The following ANKRD33B variants were observed in gnomAD, a reference collection of about 807,000 sequenced individuals.
ANKRD33B encodes ankyrin repeat domain 33B, also known as ankyrin repeat domain-containing protein 33B.
ANKRD33B carries 6 observed loss-of-function variants against 21.5 expected under a neutral mutation model. The observed-to-expected ratio is 0.28, with a 90% confidence interval of 0.15 to 0.55. ANKRD33B has a LOEUF of 0.55. Ranked by LOEUF, ANKRD33B falls within the 20% of genes least tolerant of loss-of-function variation. The pLI is 0.94. For synonymous variants in ANKRD33B, 347 were observed against 342.4 expected, an observed-to-expected ratio of 1.01 and a Z score of -0.15; for missense variants, 698 against 747.2, an observed-to-expected ratio of 0.93 and a Z score of 0.77.
chr5:10,572,329 G>T (rs1227630804), intron 1 of ANKRD33B, among the ~76,000 whole-genome samples: 1 of 152,288 alleles, frequency 6.6e-6, no homozygotes, highest in East Asian at 1.9e-4. Flanking sequence ...CTTGTTAGGA[G>T]TGCAGAATCC....
At chr5:10,611,594 A>T (rs1736173431) in intron 1 of ANKRD33B, among the ~76,000 whole-genome samples, 1 of 151,882 alleles carries the variant, frequency 6.6e-6, no homozygotes, top group South Asian at 2.1e-4. Context: ...GTAGGGATTG[A>T]CCCTTGGGTC....
chr5:10,599,541 T>C (rs930658254), intron 1 of ANKRD33B, among the ~76,000 whole-genome samples: 1 of 152,200 alleles, frequency 6.6e-6, no homozygotes, highest in Non-Finnish European at 1.5e-5. Context: ...TCTGCCTTTA[T>C]GAATTTGCCT....
intron 1 of ANKRD33B, among the ~76,000 whole-genome samples, chr5:10,582,392 G>GC (rs2126553463): frequency 1.3e-5 from 2 of 152,234 alleles, no homozygotes; most frequent in South Asian, 4.1e-4. Flanking sequence ...CATTTCCCAA[G>GC]CGGGGGGGAT....
Position 10,569,553 on chromosome 5 carries a change from A to G in ANKRD33B, c.366+4720A>G, listed in dbSNP as rs552950366. ...GGAGGTTGCAGTGAGTTGAGATTGCACCACTGCGCCCCAGGCTGGGCGACA... is the reference window on the plus strand; with the variant it reads ...GGAGGTTGCAGTGAGTTGAGATTGCGCCACTGCGCCCCAGGCTGGGCGACA... On this transcript the variant is annotated intron_variant, in intron 1 of 3. Transcript: ENST00000296657. Among the ~76,000 whole-genome samples the G allele has an allele frequency of 2.0e-5, 3 of 151,996 alleles. No homozygotes were observed. In the South Asian group the frequency reaches 6.2e-4, roughly 31 times the overall value.
intron 1 of ANKRD33B, among the ~76,000 whole-genome samples, chr5:10,585,156 GGTAA>G (rs1735526768): frequency 6.6e-6 from 1 of 152,202 alleles, no homozygotes; most frequent in Admixed American, 6.5e-5. Context: ...CAACTCCAGT[GGTAA>G]GTGAGAGCTC....
rs576276122 is a variant in ANKRD33B at position 10,638,093 on chromosome 5, G to A, written c.562G>A (p.Ala188Thr). The A allele has an allele frequency of 1.0e-4, 161 of 1,537,544 alleles. No individual in the cohort carries two copies. The South Asian group carries it at 1.2e-3, about 11-fold the overall frequency. Residue 188 changes from alanine (A) to threonine (T), a missense_variant, in exon 3 of 4, where the codon GCG becomes ACG. By Grantham distance (58) the Ala-to-Thr change is moderately conservative. Coordinates refer to ENST00000296657, the MANE Select transcript of ANKRD33B (RefSeq NM_001164440.2). ...TGGTCTTGACCTTGAAAGGAGGAAC[G>A]CGTTCGGGTTCACCGCCCTGATGAA... ...FPGLDLERRNAFGFTALMKAA... is the reference protein window; with the variant it reads ...FPGLDLERRNTFGFTALMKAA...
At chr5:10,578,183 G>A (rs1452181202) in intron 1 of ANKRD33B, among the ~76,000 whole-genome samples, 1 of 152,306 alleles carries the variant, frequency 6.6e-6, no homozygotes, top group African/African-American at 2.4e-5. Context: ...GTTTGCCTGG[G>A]ACTTTCCGGT....
At position 10,633,175 on chromosome 5, in the gene ANKRD33B, C is replaced by T. The variant is rs932736395; in HGVS notation, c.497-4853C>T. 2.7e-5 allele frequency among the ~76,000 whole-genome samples: 4 copies of T among 149,338 alleles called. No individual in the cohort carries two copies. The East Asian group carries it at 7.9e-4, about 30-fold the overall frequency. On this transcript the variant is annotated intron_variant, in intron 2 of 3. Coordinates refer to ENST00000296657, the MANE Select transcript of ANKRD33B (RefSeq NM_001164440.2). ...GGAGTGCAGTGATGCAATCTTGGCT[C>T]ACCGCAACCTCCACCTCCTGGGTTC...
chr5:10,626,285 G>T (rs1170616769), intron 2 of ANKRD33B, among the ~76,000 whole-genome samples: 1 of 152,244 alleles, frequency 6.6e-6, no homozygotes, highest in African/African-American at 2.4e-5. Context: ...CACACTCTTA[G>T]AACAGAATTG....
chr5:10,603,997 C>T (rs1467639984), intron 1 of ANKRD33B, among the ~76,000 whole-genome samples: 4 of 149,624 alleles, frequency 2.7e-5, no homozygotes, highest in East Asian at 2.0e-4. Flanking sequence ...TGGGTTCAAG[C>T]GATTCTCCTG....
chr5:10,594,672 G>A (rs1288203678), intron 1 of ANKRD33B, among the ~76,000 whole-genome samples: 1 of 152,160 alleles, frequency 6.6e-6, no homozygotes, highest in Non-Finnish European at 1.5e-5. Context: ...TCATTAGGTG[G>A]GGTAAGACAT....
At position 10,564,166 on chromosome 5, in the gene ANKRD33B, C is replaced by A. The variant is rs969575025; in HGVS notation, c.-302C>A. ...CGCGCTCGAGAGAGCGCCTGCCTGG[C>A]TCTGAACTCTGGCCAGGAAGGGGCG... is the stretch of plus-strand genomic sequence containing the variant. On this transcript the variant is annotated 5_prime_UTR_variant, in exon 1 of 4. Coordinates refer to ENST00000296657, the MANE Select transcript of ANKRD33B (RefSeq NM_001164440.2). Among the ~76,000 whole-genome samples the A allele has an allele frequency of 2.0e-5, 3 of 152,246 alleles. No homozygotes were observed. The highest frequency in any genetic ancestry group is 7.2e-5 in the African/African-American group (3 of 41,576).
intron 2 of ANKRD33B, among the ~76,000 whole-genome samples, chr5:10,629,196 G>A (rs1736648765): frequency 6.6e-6 from 1 of 152,226 alleles, no homozygotes; most frequent in Non-Finnish European, 1.5e-5. Flanking sequence ...GGGCAGAAGT[G>A]GGACAAAGGA....
intron 2 of ANKRD33B, among the ~76,000 whole-genome samples, 169 bp from the exon 3 acceptor site, chr5:10,637,859 T>C (rs1323199588): frequency 6.6e-6 from 1 of 152,104 alleles, no homozygotes; most frequent in East Asian, 1.9e-4. Flanking sequence ...TTTCCTCTGT[T>C]TCCTGGGCTC....
chr5:10,573,454 C>T lies in ANKRD33B; in HGVS notation c.366+8621C>T, dbSNP rs1017968723. Among the ~76,000 whole-genome samples the T allele has an allele frequency of 8.7e-5, 12 of 137,196 alleles. No individual in the cohort carries two copies. The South Asian group carries it at 1.9e-3, about 22-fold the overall frequency. 90.0% of individuals were successfully genotyped at this position (137,196 alleles called of 152,430 possible). Reference sequence around the variant, plus strand: ...CTGCACTCCAGCCTGGGCAACAGAGCGAGACTCCGTCTCAAAAAAAAAAAA... The same window carrying T: ...CTGCACTCCAGCCTGGGCAACAGAGTGAGACTCCGTCTCAAAAAAAAAAAA... On this transcript the variant is annotated intron_variant, in intron 1 of 3. Coordinates refer to ENST00000296657, the MANE Select transcript of ANKRD33B (RefSeq NM_001164440.2).
chr5:10,587,678 G>T lies in ANKRD33B; in HGVS notation c.366+22845G>T, dbSNP rs1475372938. Among the ~76,000 whole-genome samples, 3 of 151,520 alleles carry T rather than the reference G, an allele frequency of 2.0e-5. No individual in the cohort carries two copies. The East Asian group carries it at 5.8e-4, about 29-fold the overall frequency. ...ATTTTTCGGTGTTCTTTTCTGACTTGTGCTGTGAAATATATATGCTCTGCC... is the reference window on the plus strand; with the variant it reads ...ATTTTTCGGTGTTCTTTTCTGACTTTTGCTGTGAAATATATATGCTCTGCC... On this transcript the variant is annotated intron_variant, in intron 1 of 3. Coordinates refer to ENST00000296657, the MANE Select transcript of ANKRD33B (RefSeq NM_001164440.2).
At chr5:10,604,316 C>T (rs1184509448) in intron 1 of ANKRD33B, among the ~76,000 whole-genome samples, 12 of 151,006 alleles carry the variant, frequency 7.9e-5, no homozygotes, top group African/African-American at 2.4e-4. Flanking sequence ...CTCAGCCTCC[C>T]GAGTAGCTGG....
chr5:10,642,623 T>C (rs1301376153), intron 3 of ANKRD33B, among the ~76,000 whole-genome samples: 3 of 152,216 alleles, frequency 2.0e-5, no homozygotes, highest in African/African-American at 7.2e-5. Context: ...GAAGGTGGGA[T>C]GCGGATTGGG....
chr5:10,564,520 C>T lies in ANKRD33B; in HGVS notation c.53C>T (p.Thr18Ile), dbSNP rs1386144197. The T allele has an allele frequency of 1.4e-5, 22 of 1,531,120 alleles. No individual in the cohort carries two copies. In the Admixed American group the frequency reaches 2.2e-4, roughly 15 times the overall value. 94.8% of individuals were successfully genotyped at this position (1,531,120 alleles called of 1,614,324 possible). ...GAGGGCGGCGGGGCGCGCTGCATGA[C>T]CCCACCACCGCCGTCCCCACCCCGG... is the stretch of plus-strand genomic sequence containing the variant. ...GPEGGGARCMTPPPPSPPRGA... is the reference protein window; with the variant it reads ...GPEGGGARCMIPPPPSPPRGA... Residue 18 changes from threonine to isoleucine, a missense_variant, in exon 1 of 4, where the codon ACC becomes ATC. Physicochemically the swap from Thr to Ile is moderately conservative, Grantham distance 89. Coordinates refer to ENST00000296657, the MANE Select transcript of ANKRD33B (RefSeq NM_001164440.2).
Sources: allele counts gnomAD v4.1 joint callset (sites outside exome capture counted in the v4.1 genomes callset), GRCh38; gene constraint gnomAD v4.1.1; transcripts MANE v1.5; gene names NCBI Gene and HGNC (gene_info 2026-07-23, HGNC 2026-07-21).